The following FGF12 variants were observed in gnomAD, a reference collection of about 807,000 sequenced individuals.
The protein encoded by FGF12 is fibroblast growth factor 12B.
In FGF12, 14 loss-of-function variants were observed where a neutral mutation model predicts 23.6. The ratio of observed to expected loss-of-function variants is 0.59; its 90% CI spans 0.39 to 0.93. The LOEUF is 0.93. FGF12 is among the 40% of genes least tolerant of loss of function. FGF12 has a pLI of 0.00. For synonymous variants in FGF12, 62 were observed against 77.3 expected (o/e 0.80, Z 1.04); for missense variants, 175 against 217.8 (o/e 0.80, Z 1.24).
intron 4 of FGF12, among the ~76,000 whole-genome samples, chr3:192,184,030 C>A (rs191300988): frequency 7.9e-5 from 12 of 152,240 alleles, no homozygotes; most frequent in Admixed American, 7.8e-4. Context: ...TGAGACCAGC[C>A]TGGGTAACAT....
intron 4 of FGF12, among the ~76,000 whole-genome samples, chr3:192,314,186 A>G (rs936356670): frequency 2.6e-5 from 4 of 152,196 alleles, no homozygotes; most frequent in African/African-American, 9.6e-5. Flanking sequence ...CCATTATTTA[A>G]GCCAACCAGT....
At chr3:192,331,279 C>T (rs572732107) in intron 4 of FGF12, among the ~76,000 whole-genome samples, 16 of 139,654 alleles carry the variant, frequency 1.1e-4, no homozygotes, top group African/African-American at 4.2e-4. Context: ...TAAAATGATG[C>T]TGCTGATAGG....
At chr3:192,453,782 C>T (rs921046746) in intron 2 of FGF12, among the ~76,000 whole-genome samples, 11 of 152,096 alleles carry the variant, frequency 7.2e-5, no homozygotes, top group African/African-American at 1.9e-4. Flanking sequence ...CCCAATTTCA[C>T]GCTCATATTG....
chr3:192,339,164 AT>A (rs1717565693), intron 3 of FGF12, among the ~76,000 whole-genome samples: 1 of 152,160 alleles, frequency 6.6e-6, no homozygotes, highest in African/African-American at 2.4e-5. Context: ...ACGAGACTTT[AT>A]TGGTAAAAGC....
At chr3:192,346,926 T>C (rs777903066) in intron 3 of FGF12, among the ~76,000 whole-genome samples, 5 of 152,132 alleles carry the variant, frequency 3.3e-5, no homozygotes, top group Non-Finnish European at 5.9e-5. Context: ...TATCTTATTG[T>C]ATAACTTTGA....
At chr3:192,576,566 A>G (rs1340906813) in intron 2 of FGF12, among the ~76,000 whole-genome samples, 1 of 152,224 alleles carries the variant, frequency 6.6e-6, no homozygotes, top group African/African-American at 2.4e-5. Context: ...CCTGCATGCT[A>G]TGGCCTCTCC....
At chr3:192,532,604 A>G (rs1046167289) in intron 2 of FGF12, among the ~76,000 whole-genome samples, 1 of 152,120 alleles carries the variant, frequency 6.6e-6, no homozygotes, top group Non-Finnish European at 1.5e-5. Flanking sequence ...ATTTTGTACC[A>G]AACTTTTGAT....
intron 2 of FGF12, among the ~76,000 whole-genome samples, chr3:192,673,839 G>T (rs542834569): frequency 1.1e-4 from 16 of 151,074 alleles, no homozygotes; most frequent in African/African-American, 3.1e-4. Flanking sequence ...GAATAGTGCT[G>T]CATTAAGCAT....
intron 3 of FGF12, among the ~76,000 whole-genome samples, chr3:192,345,690 A>G (rs1193661783): frequency 2.4e-5 from 1 of 42,388 alleles, no homozygotes; most frequent in Non-Finnish European, 3.5e-5. Context: ...CCGTCTCAAA[A>G]AAAAAAAAAA....
rs555280982 is a variant in FGF12 at position 192,637,131 on chromosome 3, G to T, written c.13+90050C>A. On this transcript the variant is annotated intron_variant, in intron 2 of 5. Coordinates refer to ENST00000445105, the MANE Select transcript of FGF12 (RefSeq NM_004113.6). ...TCTCTCCCTCGCTCCTATTTCTTTG[G>T]ATAAGGCAATGGAAATCTTGCGGAA... is the stretch of plus-strand genomic sequence containing the variant. Among the ~76,000 whole-genome samples, 4 of 152,188 alleles carry T rather than the reference G, an allele frequency of 2.6e-5. No homozygotes were observed. In the South Asian group the frequency reaches 8.3e-4, roughly 32 times the overall value.
intron 2 of FGF12, among the ~76,000 whole-genome samples, chr3:192,363,377 G>A (rs866766423): frequency 1.3e-5 from 2 of 152,062 alleles, no homozygotes; most frequent in Non-Finnish European, 2.9e-5. Flanking sequence ...TTGCCCTGGT[G>A]GAGCCATCCC....
intron 2 of FGF12, among the ~76,000 whole-genome samples, chr3:192,496,907 T>C (rs780653577): frequency 1.3e-5 from 2 of 152,244 alleles, no homozygotes; most frequent in African/African-American, 4.8e-5. Context: ...TGGCTAAATA[T>C]AGAACATTGC....
At chr3:192,425,491 A>G (rs1219331973) in intron 2 of FGF12, among the ~76,000 whole-genome samples, 1 of 152,200 alleles carries the variant, frequency 6.6e-6, no homozygotes, top group Non-Finnish European at 1.5e-5. Context: ...CAGGCTGTGG[A>G]AGTCCTCCAG....
At chr3:192,620,258 GCACA>G (rs5855440) in intron 2 of FGF12, among the ~76,000 whole-genome samples, 2 of 151,318 alleles carry the variant, frequency 1.3e-5, no homozygotes, top group Admixed American at 6.6e-5. Context: ...GCGCGCGCAC[GCACA>G]CACACACACA....
intron 2 of FGF12, among the ~76,000 whole-genome samples, chr3:192,665,584 C>T (rs1716837403): frequency 7.6e-6 from 1 of 131,308 alleles, no homozygotes; most frequent in African/African-American, 2.9e-5. Context: ...GGGAGGGGAA[C>T]GTCACACACG....
intron 2 of FGF12, among the ~76,000 whole-genome samples, chr3:192,435,489 G>A (rs1174357213): frequency 1.3e-5 from 2 of 152,162 alleles, no homozygotes; most frequent in African/African-American, 4.8e-5. Flanking sequence ...GAACTTGCAA[G>A]TTTCGGGAAG....
chr3:192,457,662 TA>T (rs1388479025), intron 2 of FGF12, among the ~76,000 whole-genome samples: 1 of 152,218 alleles, frequency 6.6e-6, no homozygotes, highest in Non-Finnish European at 1.5e-5. Flanking sequence ...CATTTCGTTT[TA>T]AAAGGGAAAC....
At chr3:192,145,768 G>A (rs917554452) in intron 5 of FGF12, among the ~76,000 whole-genome samples, 1 of 152,194 alleles carries the variant, frequency 6.6e-6, no homozygotes, top group Non-Finnish European at 1.5e-5. Flanking sequence ...AACCAGCTCA[G>A]AGAGTAGATC....
intron 4 of FGF12, among the ~76,000 whole-genome samples, chr3:192,291,085 C>T (rs145901641): frequency 6.6e-6 from 1 of 152,116 alleles, no homozygotes; most frequent in Non-Finnish European, 1.5e-5. Context: ...GTCTCCAGTT[C>T]ATGGACTGTA....
Sources: gnomAD v4.1 joint callset for allele counts (sites outside exome capture counted in the v4.1 genomes callset) on GRCh38, gnomAD v4.1.1 for gene constraint, MANE v1.5 for transcripts, NCBI Gene and HGNC (gene_info 2026-07-23, HGNC 2026-07-21) for gene names.